The following SNX29 variants were observed in gnomAD, a reference collection of about 807,000 sequenced individuals.
SNX29 encodes the protein sorting nexin 29, also known as sorting nexin-29.
In SNX29, 78 loss-of-function variants were observed where a neutral mutation model predicts 102.1. The observed-to-expected ratio is 0.76, with a 90% confidence interval of 0.64 to 0.92. The LOEUF (loss-of-function observed/expected upper bound fraction) is 0.92, where lower values mean the gene tolerates loss of function less well. Among genes scored for constraint, SNX29 ranks in the 40% least tolerant of loss-of-function variants. The pLI is 0.00. For synonymous variants in SNX29, 580 were observed against 414.5 expected, an observed-to-expected ratio of 1.40 and a Z score of -4.85; for missense variants, 1,280 against 1,061.7, an observed-to-expected ratio of 1.21 and a Z score of -2.86.
At chr16:12,496,958 C>A (rs1437364659) in intron 19 of SNX29, among the ~76,000 whole-genome samples, 1 of 152,178 alleles carries the variant, frequency 6.6e-6, no homozygotes, top group African/African-American at 2.4e-5. Context: ...TTCTTGATGT[C>A]CAGGTGCTCC....
chr16:12,537,575 T>A (rs770917402), intron 20 of SNX29, among the ~76,000 whole-genome samples: 1 of 152,060 alleles, frequency 6.6e-6, no homozygotes, highest in East Asian at 1.9e-4. Context: ...ATTTTGACTT[T>A]GTTTTTACTT....
intron 9 of SNX29, among the ~76,000 whole-genome samples, chr16:12,068,497 C>CAAAAAAAAAAAAAAAA (rs150995842): frequency 1.1e-5 from 1 of 87,470 alleles, no homozygotes; most frequent in African/African-American, 4.8e-5. Flanking sequence ...GACCCTGTCT[C>CAAAAAAAAAAAAAAAA]AAAAAAAAAA....
chr16:12,061,590 A>G lies in SNX29; in HGVS notation c.1187A>G (p.His396Arg), dbSNP rs1421439335. The change falls in exon 9 of 21, where the codon CAC becomes CGC. Residue 396 changes from histidine (H) to arginine (R), a missense_variant. Transcript: ENST00000566228. ...AGCTGGGCTCCGCTGAAGGTGCTGC[A>G]CAATGACTCCGACATCCTCTTCCCT... The part of the protein sequence containing the change: ...MHSWAPLKVL[H>R]NDSDILFPVS... 1.7e-5 allele frequency: 28 copies of G among 1,612,010 alleles called. No homozygotes were observed. The highest frequency in any genetic ancestry group is 2.3e-5 in the Non-Finnish European group (27 of 1,179,350).
At chr16:12,404,995 T>C (rs545163233) in intron 18 of SNX29, among the ~76,000 whole-genome samples, 1 of 152,332 alleles carries the variant, frequency 6.6e-6, no homozygotes, top group South Asian at 2.1e-4. Flanking sequence ...GAATCTTGAG[T>C]GTTCATGTTG....
At chr16:12,543,928 A>G (rs886297688) in intron 20 of SNX29, among the ~76,000 whole-genome samples, 2 of 152,088 alleles carry the variant, frequency 1.3e-5, no homozygotes, top group African/African-American at 2.4e-5. Context: ...GGAATCCGGC[A>G]CCCTCTCGTT....
chr16:12,564,925 C>T (rs1335080314), intron 20 of SNX29, among the ~76,000 whole-genome samples: 1 of 76,224 alleles, frequency 1.3e-5, no homozygotes, highest in African/African-American at 5.8e-5. Flanking sequence ...CTGGAGGGAA[C>T]CTTGGTGTTA....
rs189572166 is a variant in SNX29 at position 12,086,319 on chromosome 16, C to G, written c.1402+7404C>G. Among the ~76,000 whole-genome samples, 39 of 152,244 alleles carry G rather than the reference C, an allele frequency of 2.6e-4. No individual in the cohort carries two copies. In the East Asian group the frequency reaches 4.1e-3, roughly 16 times the overall value. On this transcript the variant is annotated intron_variant, in intron 11 of 20. Transcript: ENST00000566228. ...GCGCCTGGCCACGCTCTTGCCAATTCTACATTACCTAAGGAGACACGTTTC... is the reference window on the plus strand; with the variant it reads ...GCGCCTGGCCACGCTCTTGCCAATTGTACATTACCTAAGGAGACACGTTTC...
intron 13 of SNX29, among the ~76,000 whole-genome samples, chr16:12,176,431 G>T (rs1196623002): frequency 3.9e-5 from 6 of 152,190 alleles, no homozygotes; most frequent in Non-Finnish European, 1.5e-5. Flanking sequence ...TCAGTCCTCA[G>T]TATCTGTGGG....
At chr16:11,976,947 C>T (rs1008574215) in intron 1 of SNX29, 134 bp downstream of exon 1, 8 of 1,154,310 alleles carry the variant, frequency 6.9e-6, no homozygotes, top group Non-Finnish European at 8.8e-6. Flanking sequence ...CTTTTCCAGA[C>T]CCCTGGCCCC....
intron 14 of SNX29, among the ~76,000 whole-genome samples, chr16:12,238,071 C>T (rs1420013909): frequency 6.6e-6 from 1 of 152,146 alleles, no homozygotes; most frequent in Non-Finnish European, 1.5e-5. Context: ...GTGAGACCTA[C>T]AAGCCAGAGA....
chr16:12,534,552 A>T (rs182386), intron 20 of SNX29, among the ~76,000 whole-genome samples: 1 of 151,988 alleles, frequency 6.6e-6, no homozygotes, highest in African/African-American at 2.4e-5. Flanking sequence ...AGTTCAGGGA[A>T]ATTGGTCACA....
At chr16:12,362,640 C>A (rs1411270556) in intron 16 of SNX29, among the ~76,000 whole-genome samples, 1 of 142,568 alleles carries the variant, frequency 7.0e-6, no homozygotes, top group African/African-American at 2.6e-5. Flanking sequence ...CCACCCAGGG[C>A]CTTTGTTCCT....
intron 11 of SNX29, among the ~76,000 whole-genome samples, chr16:12,104,215 C>T (rs1179700468): frequency 3.3e-5 from 5 of 152,142 alleles, no homozygotes; most frequent in Non-Finnish European, 7.4e-5. Context: ...CAAGAAAAAT[C>T]AGGCACAGAG....
intron 3 of SNX29, among the ~76,000 whole-genome samples, chr16:12,023,864 C>G (rs138179276): frequency 6.6e-6 from 1 of 152,094 alleles, no homozygotes; most frequent in East Asian, 1.9e-4. Context: ...TTCAAATGAC[C>G]GTTTATACGA....
chr16:12,558,948 C>G (rs1317339563), intron 20 of SNX29, among the ~76,000 whole-genome samples: 1 of 152,184 alleles, frequency 6.6e-6, no homozygotes, highest in African/African-American at 2.4e-5. Context: ...GATATCGGCC[C>G]CATGTTTCAG....
intron 19 of SNX29, among the ~76,000 whole-genome samples, chr16:12,487,776 C>T (rs778417910): frequency 1.7e-4 from 26 of 152,126 alleles, no homozygotes; most frequent in Non-Finnish European, 3.7e-4. Flanking sequence ...AATTTGGGAG[C>T]GAAAAGCAGC....
chr16:12,556,939 G>A (rs549282558), intron 20 of SNX29, among the ~76,000 whole-genome samples: 2 of 20,468 alleles, frequency 9.8e-5, no homozygotes, highest in African/African-American at 4.9e-4. Flanking sequence ...TACAGCCTCT[G>A]CCGCTCAGGC....
chr16:12,048,372 G>T lies in SNX29; in HGVS notation c.500G>T (p.Gly167Val). 6.2e-7 allele frequency: 1 copy of T among 1,613,790 alleles called. No homozygotes were observed. The highest frequency in any genetic ancestry group is 8.5e-7 in the Non-Finnish European group (1 of 1,179,822). ...RSSMLPTMAA[G>V]LNSILFAINI... ...CAGACTTTTCCCTTTTTTTGGGCAG[G>T]TCTGAACTCCATACTCTTTGCGATT... The change falls in exon 7 of 21, where the codon GGT (glycine) becomes GTT (valine). Residue 167 changes from glycine to valine, a missense_variant and splice_region_variant. Transcript: ENST00000566228.
chr16:12,558,463 G>A (rs1344724193), intron 20 of SNX29, among the ~76,000 whole-genome samples: 1 of 152,202 alleles, frequency 6.6e-6, no homozygotes, highest in Non-Finnish European at 1.5e-5. Context: ...TGAACTTAAT[G>A]CCATCCTTTA....
Sources: gnomAD v4.1 joint callset for allele counts (sites outside exome capture counted in the v4.1 genomes callset) on GRCh38, gnomAD v4.1.1 for gene constraint, MANE v1.5 for transcripts, NCBI Gene and HGNC (gene_info 2026-07-23, HGNC 2026-07-21) for gene names.